The following GALNT5 variants were observed in gnomAD, a reference collection of about 807,000 sequenced individuals.
GALNT5 encodes the protein UDP-GalNAc:polypeptide N-acetylgalactosaminyltransferase 5.
In GALNT5, 72 loss-of-function variants were observed where a neutral mutation model predicts 85.4. That is an observed-to-expected ratio of 0.84 (90% confidence interval 0.70 to 1.03). The LOEUF (loss-of-function observed/expected upper bound fraction) is 1.03, where lower values mean the gene tolerates loss of function less well. Among genes scored for constraint, GALNT5 ranks in the 50% least tolerant of loss-of-function variants. GALNT5 has a pLI of 0.00. For synonymous variants in GALNT5, 404 were observed against 397.0 expected (o/e 1.02, Z -0.21); for missense variants, 1,137 against 1,135.5 (o/e 1.00, Z -0.02).
chr2:157,295,534 GAAAAA>G, intron 3 of GALNT5, 124 bp from the exon 4 acceptor site: 1 of 494,242 alleles, frequency 2.0e-6, no homozygotes, highest in Non-Finnish European at 3.5e-6. Context: ...CACGAATTCA[GAAAAA>G]AAAAAAAAGG....
At chr2:157,274,624 CTT>C (rs1053069879) in intron 1 of GALNT5, among the ~76,000 whole-genome samples, 23 of 152,210 alleles carry the variant, frequency 1.5e-4, no homozygotes, top group African/African-American at 5.5e-4. Flanking sequence ...GCATAAATGT[CTT>C]CTTTTGAGAA....
chr2:157,273,340 A>G (rs1237123285), intron 1 of GALNT5, among the ~76,000 whole-genome samples: 2 of 152,014 alleles, frequency 1.3e-5, no homozygotes, highest in African/African-American at 2.4e-5. Context: ...AAATAGACCA[A>G]TTTTTTAGTA....
chr2:157,279,514 C>G (rs1682812577), intron 1 of GALNT5, among the ~76,000 whole-genome samples: 1 of 152,254 alleles, frequency 6.6e-6, no homozygotes, highest in Non-Finnish European at 1.5e-5. Context: ...CTACTCAAGC[C>G]TCAGCAATGG....
chr2:157,311,372 G>T lies in GALNT5; in HGVS notation c.*24G>T. On this transcript the variant is annotated 3_prime_UTR_variant, in exon 10 of 10. Coordinates refer to ENST00000259056, the MANE Select transcript of GALNT5 (RefSeq NM_014568.3). ...GAAGTGTAACTGATGTTTTTATATA[G>T]TAAACCCATTAAATACTGTGAAAAT... The T allele has an allele frequency of 6.7e-7, 1 of 1,488,476 alleles. No individual in the cohort carries two copies. The highest frequency in any genetic ancestry group is 1.7e-4 in the Middle Eastern group (1 of 5,758). The allele number at this position is 1,488,476 out of a possible 1,614,324, so 92.2% of individuals were successfully genotyped here.
At chr2:157,276,946 T>C (rs367946515) in intron 1 of GALNT5, among the ~76,000 whole-genome samples, 2 of 152,078 alleles carry the variant, frequency 1.3e-5, no homozygotes, top group Non-Finnish European at 2.9e-5. Context: ...CCTGCTTTCT[T>C]TTGTGGGCAT....
rs1683594246 is a variant in GALNT5, at chr2:157,312,409, A to G, written c.*1061A>G. 1 of 152,124 alleles carries G rather than the reference A, an allele frequency of 6.6e-6. No individual in the cohort carries two copies. Among genetic ancestry groups the G allele is most frequent in the Non-Finnish European group, 1.5e-5 (1 of 68,016 alleles). 9.4% of individuals were successfully genotyped at this position (152,124 alleles called of 1,614,324 possible). A position where few individuals can be genotyped will look rare whatever the true frequency, so the allele number is the denominator to read the frequency against. Reference sequence around the variant, plus strand: ...GGAATGAGGTAAACAAGTCTTAGGAAGAGAGTTAAGAAAAAATTCCGCTGG... The same window carrying G: ...GGAATGAGGTAAACAAGTCTTAGGAGGAGAGTTAAGAAAAAATTCCGCTGG... On this transcript the variant is annotated 3_prime_UTR_variant, in exon 10 of 10. Coordinates refer to ENST00000259056, the MANE Select transcript of GALNT5 (RefSeq NM_014568.3).
At chr2:157,283,002 C>G (rs1427490972) in intron 1 of GALNT5, among the ~76,000 whole-genome samples, 7 of 152,166 alleles carry the variant, frequency 4.6e-5, no homozygotes, top group South Asian at 2.1e-4. Context: ...TAAAGTATAA[C>G]CATGTTATTT....
intron 1 of GALNT5, among the ~76,000 whole-genome samples, chr2:157,260,410 CCTATAA>C (rs541931845): frequency 6.4e-4 from 98 of 152,310 alleles, no homozygotes; most frequent in South Asian, 1.7e-3. Flanking sequence ...AAGTTAAATT[CCTATAA>C]CTATATCACC....
chr2:157,292,703 C>A (rs1036230543), intron 3 of GALNT5, among the ~76,000 whole-genome samples: 17 of 151,596 alleles, frequency 1.1e-4, no homozygotes, highest in African/African-American at 3.9e-4. Context: ...AAGTAGAAAT[C>A]GTATTATTAT....
intron 1 of GALNT5, among the ~76,000 whole-genome samples, chr2:157,267,060 A>G (rs1201931120): frequency 6.6e-6 from 1 of 152,238 alleles, no homozygotes; most frequent in African/African-American, 2.4e-5. Flanking sequence ...TTCAAGGCGT[A>G]TACAGCAAAA....
rs766237680 is a variant in GALNT5, at chr2:157,259,037, G to A, written c.955G>A (p.Glu319Lys). Reference sequence around the variant, plus strand: ...TCATGGGAAGAAACTCAATTTCTCTGAAAGCCATCTTGTGATTATAACCAA... The same window carrying A: ...TCATGGGAAGAAACTCAATTTCTCTAAAAGCCATCTTGTGATTATAACCAA... Reference protein sequence around the residue: ...GAHGKKLNFSESHLVIITKEE... With the variant: ...GAHGKKLNFSKSHLVIITKEE... The change falls in exon 1 of 10, where the codon GAA becomes AAA. Residue 319 changes from glutamate to lysine, a missense_variant. Coordinates refer to ENST00000259056, the MANE Select transcript of GALNT5 (RefSeq NM_014568.3). 1.4e-6 allele frequency: 2 copies of A among 1,473,890 alleles called. No individual in the cohort carries two copies. The highest frequency in any genetic ancestry group is 1.6e-5 in the South Asian group (1 of 62,394). The allele number at this position is 1,473,890 out of a possible 1,614,324, so 91.3% of individuals were successfully genotyped here. A position where few individuals can be genotyped will look rare whatever the true frequency, so the allele number is the denominator to read the frequency against.
At position 157,313,939 on chromosome 2, in the gene GALNT5, G is replaced by A. The variant is rs1213599952; in HGVS notation, c.*2591G>A. 1 of 152,074 alleles carries A rather than the reference G, an allele frequency of 6.6e-6. No homozygotes were observed. The highest frequency in any genetic ancestry group is 1.9e-4 in the East Asian group (1 of 5,194). 9.4% of individuals were successfully genotyped at this position (152,074 alleles called of 1,614,324 possible). Reference sequence around the variant, plus strand: ...TTGCTCAGTTACTCTAAGAAGCAAGGAACTGATCACTAGTTGGGAATCTAT... The same window carrying A: ...TTGCTCAGTTACTCTAAGAAGCAAGAAACTGATCACTAGTTGGGAATCTAT... On this transcript the variant is annotated 3_prime_UTR_variant, in exon 10 of 10. Coordinates refer to ENST00000259056, the MANE Select transcript of GALNT5 (RefSeq NM_014568.3).
chr2:157,310,957 A>G (rs948297867), intron 9 of GALNT5, among the ~76,000 whole-genome samples: 3 of 152,186 alleles, frequency 2.0e-5, no homozygotes, highest in African/African-American at 7.2e-5. Context: ...CCATATCATC[A>G]AGAAATTTTT....
At position 157,295,809 on chromosome 2, in the gene GALNT5, C is replaced by T. The variant is rs766182715; in HGVS notation, c.1877+11C>T. 12 of 1,585,656 alleles carry T rather than the reference C, an allele frequency of 7.6e-6. No individual in the cohort carries two copies. In the East Asian group the frequency reaches 1.8e-4, roughly 24 times the overall value. ...TGATAAGGATATGAGGTAATATTTA[C>T]ACATTCCACAAGATACTTTCAAGCA... On this transcript the variant is annotated intron_variant, in intron 4 of 9. Transcript: ENST00000259056.
chr2:157,317,098 T>A lies in GALNT5; in HGVS notation c.*5750T>A, dbSNP rs868024153. Among the ~76,000 whole-genome samples the A allele has an allele frequency of 1.3e-5, 2 of 150,694 alleles. No homozygotes were observed. Among genetic ancestry groups the A allele is most frequent in the South Asian group, 4.2e-4 (2 of 4,806 alleles). ...CTTTATATTAGATGTTAAATTAAAATTTTTCATAGCATGAATAGATTTTTA... is the reference window on the plus strand; with the variant it reads ...CTTTATATTAGATGTTAAATTAAAAATTTTCATAGCATGAATAGATTTTTA... On this transcript the variant is annotated 3_prime_UTR_variant, in exon 10 of 10. Transcript: ENST00000259056.
At position 157,259,309 on chromosome 2, in the gene GALNT5, T is replaced by C. The variant is rs1282188403; in HGVS notation, c.1227T>C (p.His409=). The change falls in exon 1 of 10, where the codon CAT becomes CAC. Residue 409 remains histidine (H), a synonymous_variant. Coordinates refer to ENST00000259056, the MANE Select transcript of GALNT5 (RefSeq NM_014568.3). ...KAPSTEYNQS[H]IKALLPEDSG... ...CCTCTACAGAATACAACCAGAGTCA[T>C]ATAAAAGCCCTTTTACCTGAAGACA... 1 of 1,596,994 alleles carries C rather than the reference T, an allele frequency of 6.3e-7. No individual in the cohort carries two copies. Among genetic ancestry groups the C allele is most frequent in the Non-Finnish European group, 8.5e-7 (1 of 1,172,838 alleles).
chr2:157,263,416 C>T (rs1255632325), intron 1 of GALNT5, among the ~76,000 whole-genome samples: 1 of 152,200 alleles, frequency 6.6e-6, no homozygotes, highest in Non-Finnish European at 1.5e-5. Flanking sequence ...TGCTCAGAAT[C>T]CAACTGTGGC....
intron 1 of GALNT5, among the ~76,000 whole-genome samples, chr2:157,266,071 T>C (rs1366415528): frequency 6.6e-6 from 1 of 152,198 alleles, no homozygotes; most frequent in African/African-American, 2.4e-5. Context: ...TTTCAGATAA[T>C]AGCAGATATT....
intron 3 of GALNT5, among the ~76,000 whole-genome samples, chr2:157,289,723 T>G (rs1255966040): frequency 6.6e-6 from 1 of 152,128 alleles, no homozygotes; most frequent in Non-Finnish European, 1.5e-5. Flanking sequence ...ATAATCAATA[T>G]TAATTACCCA....
Sources: allele counts gnomAD v4.1 joint callset (sites outside exome capture counted in the v4.1 genomes callset), GRCh38; gene constraint gnomAD v4.1.1; transcripts MANE v1.5; gene names NCBI Gene and HGNC (gene_info 2026-07-23, HGNC 2026-07-21).